Variants in CTNNA2 observed in about 807,000 individuals in gnomAD.
The protein encoded by CTNNA2 is catenin alpha 2.
In CTNNA2, 42 loss-of-function variants were observed where a neutral mutation model predicts 101.0. The ratio of observed to expected loss-of-function variants is 0.42; its 90% CI spans 0.32 to 0.54. CTNNA2 has a LOEUF of 0.54. CTNNA2 is among the 20% of genes least tolerant of loss of function. The pLI, the probability that CTNNA2 is intolerant of heterozygous loss-of-function variation, is 0.14. For synonymous variants in CTNNA2, 450 were observed against 456.4 expected (o/e 0.99, Z 0.18); for missense variants, 871 against 1,223.1 (o/e 0.71, Z 4.29).
chr2:79,846,316 C>A (rs1445422295), intron 3 of CTNNA2, among the ~76,000 whole-genome samples: 3 of 152,152 alleles, frequency 2.0e-5, no homozygotes, highest in Non-Finnish European at 4.4e-5. Context: ...TACTGTGTAG[C>A]AATTTCAAGC....
intron 4 of CTNNA2, among the ~76,000 whole-genome samples, chr2:79,863,147 CAACAAAAA>C (rs750419948): frequency 3.8e-4 from 55 of 145,822 alleles, no homozygotes; most frequent in African/African-American, 1.3e-3. Context: ...AACAAACAAA[CAACAAAAA>C]AAAGTTCTAC....
intron 3 of CTNNA2, among the ~76,000 whole-genome samples, chr2:79,820,975 A>G (rs1293843620): frequency 6.6e-6 from 1 of 152,170 alleles, no homozygotes; most frequent in African/African-American, 2.4e-5. Context: ...TTTTTAATCA[A>G]TATGTTTATA....
intron 1 of CTNNA2, among the ~76,000 whole-genome samples, chr2:79,641,190 T>G (rs1680426563): frequency 6.6e-6 from 1 of 152,182 alleles, no homozygotes; most frequent in Non-Finnish European, 1.5e-5. Flanking sequence ...AAGCAGTTGT[T>G]TTGGTTTTCT....
chr2:79,453,311 C>G (rs990004845), intron 4 of CTNNA2, among the ~76,000 whole-genome samples: 4 of 152,052 alleles, frequency 2.6e-5, no homozygotes, highest in African/African-American at 2.4e-5. Context: ...ATAGCTCTGC[C>G]TAAAAGAAAT....
Position 80,408,422 on chromosome 2 carries a change from C to G in CTNNA2, c.1138-11027C>G, listed in dbSNP as rs145194716. ...TTTTTTATAGGCTTCTGCTCTTAGC[C>G]TGCCATCAAATCCATCCATTCAGTA... On this transcript the variant is annotated intron_variant, in intron 8 of 18. Coordinates refer to ENST00000402739, the MANE Select transcript of CTNNA2 (RefSeq NM_001282597.3). Among the ~76,000 whole-genome samples the G allele has an allele frequency of 4.1e-4, 62 of 152,286 alleles. No individual in the cohort carries two copies. The East Asian group carries it at 0.011, about 28-fold the overall frequency.
intron 7 of CTNNA2, among the ~76,000 whole-genome samples, chr2:80,035,188 G>A (rs1695568262): frequency 6.6e-6 from 1 of 152,160 alleles, no homozygotes; most frequent in African/African-American, 2.4e-5. Flanking sequence ...AGGAGTGTGT[G>A]TAGCAGGTTG....
At chr2:79,194,235 A>G (rs1673928645) in intron 1 of CTNNA2, among the ~76,000 whole-genome samples, 1 of 152,156 alleles carries the variant, frequency 6.6e-6, no homozygotes, top group Non-Finnish European at 1.5e-5. Flanking sequence ...TGTGAATAAA[A>G]CTGTTGGTGG....
chr2:79,569,003 C>A (rs972588924), intron 1 of CTNNA2, among the ~76,000 whole-genome samples: 2 of 152,056 alleles, frequency 1.3e-5, no homozygotes, highest in South Asian at 4.2e-4. Flanking sequence ...CCCTGCACTA[C>A]AGCCTTGGTT....
At chr2:80,584,464 G>A (rs1695805160) in intron 14 of CTNNA2, among the ~76,000 whole-genome samples, 7 of 151,478 alleles carry the variant, frequency 4.6e-5, no homozygotes, top group Admixed American at 4.6e-4. Flanking sequence ...GGGAATGAAT[G>A]GGAATCAATA....
chr2:80,337,851 C>G (rs72912808), intron 7 of CTNNA2, among the ~76,000 whole-genome samples: 1 of 152,098 alleles, frequency 6.6e-6, no homozygotes, highest in Non-Finnish European at 1.5e-5. Flanking sequence ...TTATAGTAAG[C>G]GAATTGACCC....
At chr2:79,364,429 T>G (rs1342168160) in intron 3 of CTNNA2, among the ~76,000 whole-genome samples, 1 of 152,240 alleles carries the variant, frequency 6.6e-6, no homozygotes, top group Non-Finnish European at 1.5e-5. Flanking sequence ...TTGTGATTTA[T>G]AGGGTTCTGC....
chr2:79,996,045 G>A (rs2103927999), intron 7 of CTNNA2, among the ~76,000 whole-genome samples: 1 of 152,278 alleles, frequency 6.6e-6, no homozygotes, highest in East Asian at 1.9e-4. Context: ...AATTTTGGAA[G>A]TCCAAAAGAC....
intron 1 of CTNNA2, among the ~76,000 whole-genome samples, chr2:79,590,741 T>C (rs1463647459): frequency 6.6e-6 from 1 of 152,162 alleles, no homozygotes; most frequent in Non-Finnish European, 1.5e-5. Flanking sequence ...AGAGCTGCAA[T>C]AAACATTGTT....
chr2:80,485,001 G>A (rs190353487), intron 9 of CTNNA2, among the ~76,000 whole-genome samples: 20 of 152,130 alleles, frequency 1.3e-4, no homozygotes, highest in East Asian at 9.7e-4. Context: ...GCGAGACTCC[G>A]TCTTAAATAA....
chr2:79,773,396 C>T (rs1673730152), intron 3 of CTNNA2, among the ~76,000 whole-genome samples: 1 of 152,084 alleles, frequency 6.6e-6, no homozygotes, highest in Non-Finnish European at 1.5e-5. Context: ...TTTAGGGAGA[C>T]CTGAGACATC....
At chr2:80,063,539 C>T (rs77420498) in intron 7 of CTNNA2, among the ~76,000 whole-genome samples, 4 of 152,230 alleles carry the variant, frequency 2.6e-5, no homozygotes, top group African/African-American at 9.6e-5. Flanking sequence ...CCTGTTTAAG[C>T]ACCCTTCACG....
At chr2:79,446,459 C>T (rs1678834556) in intron 4 of CTNNA2, among the ~76,000 whole-genome samples, 1 of 152,014 alleles carries the variant, frequency 6.6e-6, no homozygotes, top group African/African-American at 2.4e-5. Context: ...GAGGACACCA[C>T]CGTGGTTTCT....
At position 79,798,560 on chromosome 2, in the gene CTNNA2, CTT is replaced by C. The variant is rs34542700; in HGVS notation, c.298+53999_298+54000del. On this transcript the variant is annotated intron_variant, in intron 3 of 18. Coordinates refer to ENST00000402739, the MANE Select transcript of CTNNA2 (RefSeq NM_001282597.3). The stretch of plus-strand genomic sequence containing the variant: ...AAGCCAACTAATTTATATAATAAGA[CTT>C]TTTTTTTTTTTTTTTTTTTTACAAA... 2.1e-3 allele frequency among the ~76,000 whole-genome samples: 260 copies of C among 123,776 alleles called. 1 individual carries two copies. The highest frequency in any genetic ancestry group is 9.1e-3 in the Middle Eastern group (2 of 220). 81.2% of individuals were successfully genotyped at this position (123,776 alleles called of 152,430 possible). A position where few individuals can be genotyped will look rare whatever the true frequency, so the allele number is the denominator to read the frequency against.
intron 3 of CTNNA2, among the ~76,000 whole-genome samples, chr2:79,769,769 A>G (rs972941993): frequency 1.3e-5 from 2 of 152,206 alleles, no homozygotes; most frequent in Non-Finnish European, 2.9e-5. Context: ...TCTCCAATGG[A>G]GGAAATACTG....
Sources: gnomAD v4.1 joint callset for allele counts (sites outside exome capture counted in the v4.1 genomes callset) on GRCh38, gnomAD v4.1.1 for gene constraint, MANE v1.5 for transcripts, NCBI Gene and HGNC (gene_info 2026-07-23, HGNC 2026-07-21) for gene names.